The following PP2D1 variants were observed in gnomAD, a reference collection of about 807,000 sequenced individuals.
PP2D1 encodes the protein protein phosphatase 2C like domain containing 1.
Under a neutral mutation model 30.2 loss-of-function variants are expected in PP2D1, and 25 were observed. The ratio of observed to expected loss-of-function variants is 0.83; its 90% CI spans 0.60 to 1.16. The LOEUF is 1.16. Among genes scored for constraint, PP2D1 ranks in the 50% most tolerant of loss-of-function variants. PP2D1 has a pLI of 0.00. For synonymous variants in PP2D1, 260 were observed against 258.9 expected (o/e 1.00, Z -0.04); for missense variants, 760 against 742.4 (o/e 1.02, Z -0.28).
intron 2 of PP2D1, among the ~76,000 whole-genome samples, chr3:19,988,787 T>G (rs1697077246): frequency 2.0e-5 from 3 of 152,098 alleles, no homozygotes; most frequent in African/African-American, 7.2e-5. Context: ...GACGGACACT[T>G]AGGGAAATAG....
rs551268222 is a variant in PP2D1, at chr3:20,005,198, C to T, written c.24-3102G>A. 4.6e-5 allele frequency among the ~76,000 whole-genome samples: 7 copies of T among 151,772 alleles called. No homozygotes were observed. In the South Asian group the frequency reaches 1.2e-3, roughly 27 times the overall value. On this transcript the variant is annotated intron_variant, in intron 1 of 2. Transcript: ENST00000389050. The stretch of plus-strand genomic sequence containing the variant: ...ACGGAGTTTCGCTCTTGTTGCCCAG[C>T]CTGGAGTACAAGGGCGCAATCTCGG...
chr3:20,006,139 G>A lies in PP2D1; in HGVS notation c.24-4043C>T, dbSNP rs535405879. Among the ~76,000 whole-genome samples, 24 of 151,808 alleles carry A rather than the reference G, an allele frequency of 1.6e-4. No individual in the cohort carries two copies. The East Asian group carries it at 4.5e-3, about 28-fold the overall frequency. The stretch of plus-strand genomic sequence containing the variant: ...GGCACACCTGTAATCTCAGCTACTC[G>A]GGAGGCTGAGGCAGGAGAATTGAAT... On this transcript the variant is annotated intron_variant, in intron 1 of 2. Transcript: ENST00000389050.
At chr3:20,010,242 C>G (rs1397759063) in intron 1 of PP2D1, among the ~76,000 whole-genome samples, 2 of 151,912 alleles carry the variant, frequency 1.3e-5, no homozygotes, top group Non-Finnish European at 2.9e-5. Context: ...ACTACAGGTG[C>G]CTGCCACCAT....
intron 2 of PP2D1, among the ~76,000 whole-genome samples, chr3:19,987,414 G>A (rs2125137447): frequency 6.6e-6 from 1 of 152,084 alleles, no homozygotes; most frequent in Non-Finnish European, 1.5e-5. Flanking sequence ...ATGATTTATA[G>A]AAAGTTATTA....
intron 2 of PP2D1, among the ~76,000 whole-genome samples, chr3:19,988,044 C>A (rs111785660): frequency 1.3e-5 from 2 of 152,032 alleles, no homozygotes; most frequent in African/African-American, 4.8e-5. Context: ...TATGTCGCTT[C>A]AGGACCCTGT....
At position 19,985,477 on chromosome 3, in the gene PP2D1, T is replaced by C. The variant is rs1697014638; in HGVS notation, c.1796A>G (p.His599Arg). 1 of 1,536,116 alleles carries C rather than the reference T, an allele frequency of 6.5e-7. No homozygotes were observed. The highest frequency in any genetic ancestry group is 8.7e-7 in the Non-Finnish European group (1 of 1,146,852). The change falls in exon 3 of 3, where the codon CAT (histidine) becomes CGT (arginine). Residue 599 changes from histidine (H) to arginine (R), a missense_variant. His to Arg is a conservative substitution (Grantham distance 29, BLOSUM62 0). This residue lies in a region of PP2D1 where 369 missense variants were observed against 316.2 expected (regional missense o/e 1.17). Coordinates refer to ENST00000389050, the MANE Select transcript of PP2D1 (RefSeq NM_001252657.2). ...CAGTAAAGCAGCATTTACAAGTTCATGGCTAACATACTCAGCTGCGCCTTC... is the reference window on the plus strand; with the variant it reads ...CAGTAAAGCAGCATTTACAAGTTCACGGCTAACATACTCAGCTGCGCCTTC... ...FYEGAAEYVS[H>R]ELVNAALLAG...
intron 1 of PP2D1, among the ~76,000 whole-genome samples, chr3:20,011,131 A>G (rs925732637): frequency 6.6e-6 from 1 of 152,162 alleles, no homozygotes; most frequent in Non-Finnish European, 1.5e-5. Context: ...GTCCAAGGCA[A>G]TATCCAAGAG....
downstream of PP2D1, among the ~76,000 whole-genome samples, chr3:19,982,569 G>T (rs775812923): frequency 6.6e-6 from 1 of 152,236 alleles, no homozygotes; most frequent in South Asian, 2.1e-4. Context: ...AAACTAAGCG[G>T]TCGAGCATGG....
In PP2D1 at chr3:19,986,114, T is replaced by A; in HGVS notation, c.1159A>T (p.Asn387Tyr). Reference protein sequence around the residue: ...FCLTKEHTTRNTNERRRILQN... With the variant: ...FCLTKEHTTRYTNERRRILQN... ...AGTATTCTTCTTCTTTCATTTGTGT[T>A]TCGTGTAGTATGTTCTTTGGTTAGG... Residue 387 changes from asparagine to tyrosine, a missense_variant, in exon 3 of 3, where the codon AAC becomes TAC. Physicochemically the swap from Asn to Tyr is moderately radical, Grantham distance 143. Around this residue, in one of 3 missense-constraint regions of PP2D1, gnomAD observed 369 missense variants for 316.2 expected, o/e 1.17. Transcript: ENST00000389050. 6.5e-7 allele frequency: 1 copy of A among 1,535,940 alleles called. No homozygotes were observed. The highest frequency in any genetic ancestry group is 8.7e-7 in the Non-Finnish European group (1 of 1,146,814).
intron 2 of PP2D1, among the ~76,000 whole-genome samples, chr3:19,995,182 C>G (rs1352475657): frequency 6.6e-6 from 1 of 152,158 alleles, no homozygotes; most frequent in Non-Finnish European, 1.5e-5. Context: ...CAAATTTACT[C>G]CTAACACCCA....
intron 2 of PP2D1, among the ~76,000 whole-genome samples, chr3:19,991,955 G>A (rs1434108473): frequency 1.3e-5 from 2 of 152,142 alleles, no homozygotes; most frequent in Non-Finnish European, 2.9e-5. Flanking sequence ...CTGGGGAAAG[G>A]AAAAATTACA....
chr3:19,981,410 A>G (rs1172859591), downstream of PP2D1, among the ~76,000 whole-genome samples: 2 of 152,130 alleles, frequency 1.3e-5, no homozygotes, highest in East Asian at 3.9e-4. Context: ...GGAGTTGGTC[A>G]GGAAACAAGC....
In PP2D1 at chr3:20,001,288, C is replaced by T. The variant is rs1166636230; in HGVS notation, c.832G>A (p.Glu278Lys). 1.2e-5 allele frequency: 18 copies of T among 1,535,896 alleles called. No individual in the cohort carries two copies. Among genetic ancestry groups the T allele is most frequent in the Non-Finnish European group, 1.5e-5 (17 of 1,146,822 alleles). The change falls in exon 2 of 3, where the codon GAG becomes AAG. Residue 278 changes from glutamate to lysine, a missense_variant. Physicochemically the swap from Glu to Lys is moderately conservative, Grantham distance 56. Around this residue, in one of 3 missense-constraint regions of PP2D1, gnomAD observed 374 missense variants for 388.8 expected, o/e 0.96. Transcript: ENST00000389050. Reference sequence around the variant, plus strand: ...AAGGCTTTGTGTGTGTCCTCATACTCACACCTCACTGCTTCTGTTTTGTTT... The same window carrying T: ...AAGGCTTTGTGTGTGTCCTCATACTTACACCTCACTGCTTCTGTTTTGTTT... ...AINKTEAVRC[E>K]YEDTHKAFAK...
At chr3:20,005,523 G>A (rs908933517) in intron 1 of PP2D1, among the ~76,000 whole-genome samples, 2 of 152,122 alleles carry the variant, frequency 1.3e-5, no homozygotes, top group Non-Finnish European at 2.9e-5. Context: ...AATTGTATTT[G>A]AGATGGGTAC....
intron 2 of PP2D1, among the ~76,000 whole-genome samples, chr3:19,986,801 G>A (rs905787436): frequency 1.2e-4 from 18 of 152,224 alleles, no homozygotes; most frequent in Admixed American, 7.2e-4. Flanking sequence ...TTGGGAGGCC[G>A]AGGTGGGCGG....
intron 2 of PP2D1, among the ~76,000 whole-genome samples, chr3:19,999,877 A>G (rs1697230642): frequency 1.3e-5 from 2 of 152,214 alleles, no homozygotes; most frequent in Admixed American, 6.5e-5. Context: ...ACCTCAGCAT[A>G]GAGCCTGAGA....
chr3:19,985,698 C>G lies in PP2D1; in HGVS notation c.1575G>C (p.Val525=), dbSNP rs1160051242. ...FQYKSVSEVR[V]STTNSKENLS... ...AATTTTCTTTGGAATTTGTAGTTGA[C>G]ACACGTACTTCAGATACAGATTTAT... Residue 525 remains valine (V), a synonymous_variant, in exon 3 of 3, where the codon GTG becomes GTC. Transcript: ENST00000389050. 6.5e-7 allele frequency: 1 copy of G among 1,535,622 alleles called. No individual in the cohort carries two copies. Among genetic ancestry groups the G allele is most frequent in the East Asian group, 2.4e-5 (1 of 40,916 alleles).
chr3:19,986,328 T>C (rs1697034393), intron 2 of PP2D1, 146 bp from the exon 3 acceptor site: 3 of 589,948 alleles, frequency 5.1e-6, no homozygotes, highest in Non-Finnish European at 2.9e-6. Flanking sequence ...ATGTGTAATA[T>C]ATCACTACTG....
chr3:19,982,280 G>C (rs1405259545), downstream of PP2D1, among the ~76,000 whole-genome samples: 1 of 152,102 alleles, frequency 6.6e-6, no homozygotes. Flanking sequence ...TTCAAACTAA[G>C]ATCACAACGA....
Sources: gnomAD v4.1 joint callset for allele counts (sites outside exome capture counted in the v4.1 genomes callset) on GRCh38, gnomAD v4.1.1 for gene constraint, gnomAD v4.1.1 regional missense constraint, MANE v1.5 for transcripts, NCBI Gene and HGNC (gene_info 2026-07-23, HGNC 2026-07-21) for gene names.